LRGUK: variants seen among roughly 807,000 people sequenced by gnomAD.
The protein encoded by LRGUK is leucine-rich repeat and guanylate kinase domain-containing protein.
Under a neutral mutation model 76.0 loss-of-function variants are expected in LRGUK, and 65 were observed. That is an observed-to-expected ratio of 0.85 (90% CI 0.70 to 1.05). The LOEUF is 1.05. LRGUK is among the 50% of genes least tolerant of loss of function. The probability of loss-of-function intolerance (pLI) is 0.00; values close to 1 mark genes in which losing one functional copy is unlikely to be tolerated. For synonymous variants in LRGUK, 268 were observed against 265.6 expected, an observed-to-expected ratio of 1.01 and a Z score of -0.09; for missense variants, 758 against 732.8, an observed-to-expected ratio of 1.03 and a Z score of -0.40.
intron 4 of LRGUK, among the ~76,000 whole-genome samples, chr7:134,144,071 G>A (rs1797874846): frequency 6.6e-6 from 1 of 152,242 alleles, no homozygotes; most frequent in South Asian, 2.1e-4. Context: ...CCAAGGTAAG[G>A]TGTGGGCTTT....
chr7:134,209,929 G>A, exon 16 of LRGUK: 2 of 399,122 alleles, frequency 5.0e-6, no homozygotes, highest in Non-Finnish European at 8.8e-6. Context: ...CTCTTCCGGA[G>A]CCAGGGCTGC....
At chr7:134,221,835 A>C in exon 16 of LRGUK, 10 of 1,604,290 alleles carry the variant, frequency 6.2e-6, no homozygotes, top group Non-Finnish European at 8.5e-6. Context: ...TATTTCTTCG[A>C]ATATGGGTGA....
chr7:134,263,403 C>CTGTGTGTGTGTGTGTGTGTGTGTGTGTG (rs6150361), intron 19 of LRGUK, among the ~76,000 whole-genome samples: 12 of 142,274 alleles, frequency 8.4e-5, no homozygotes, highest in South Asian at 4.4e-4. Context: ...CTTCACTTCA[C>CTGTGTGTGTGTGTGTGTGTGTGTGTGTG]TGTGTGTGTG....
At chr7:134,196,851 A>G (rs1002309657) in intron 12 of LRGUK, 141 bp from the exon 13 acceptor site, 1 of 490,514 alleles carries the variant, frequency 2.0e-6, no homozygotes, top group Non-Finnish European at 3.6e-6. Flanking sequence ...AGTTTCATTT[A>G]CCCCATTGTC....
intron 2 of LRGUK, among the ~76,000 whole-genome samples, chr7:134,137,902 CG>C (rs901670205): frequency 6.6e-6 from 1 of 151,446 alleles, no homozygotes; most frequent in African/African-American, 2.4e-5. Context: ...CATGATTTGG[CG>C]AAAGGGTATG....
chr7:134,191,607 T>C, intron 11 of LRGUK, 48 bp from the exon 12 acceptor site: 2 of 1,237,044 alleles, frequency 1.6e-6, no homozygotes, highest in South Asian at 2.6e-5. Flanking sequence ...TTTTCCATTT[T>C]GAATTTCAAG....
intron 15 of LRGUK, among the ~76,000 whole-genome samples, chr7:134,202,322 A>G (rs1250819691): frequency 6.6e-6 from 1 of 152,086 alleles, no homozygotes; most frequent in Non-Finnish European, 1.5e-5. Context: ...CAAAATTAAA[A>G]AAAAAAACAG....
At chr7:134,249,568 C>T (rs1237137389) in intron 18 of LRGUK, among the ~76,000 whole-genome samples, 1 of 152,122 alleles carries the variant, frequency 6.6e-6, no homozygotes, top group Non-Finnish European at 1.5e-5. Context: ...TAATATTCAC[C>T]TTGGCCAAAG....
At chr7:134,233,075 G>T (rs1314309807) in intron 16 of LRGUK, among the ~76,000 whole-genome samples, 1 of 152,140 alleles carries the variant, frequency 6.6e-6, no homozygotes, top group African/African-American at 2.4e-5. Context: ...ATCAGTGAGA[G>T]GTTTTTATTT....
exon 20 of LRGUK, chr7:134,264,041 A>G (rs1437673272): frequency 2.7e-6 from 4 of 1,504,366 alleles, no homozygotes; most frequent in Non-Finnish European, 3.6e-6. Flanking sequence ...TCCTTGCCTT[A>G]CCTGGCCATG....
At chr7:134,168,810 T>G (rs527453113) in intron 7 of LRGUK, among the ~76,000 whole-genome samples, 42 of 152,124 alleles carry the variant, frequency 2.8e-4, no homozygotes, top group Non-Finnish European at 5.1e-4. Flanking sequence ...CCCTGGTTCA[T>G]GGTTCTTTAT....
intron 15 of LRGUK, among the ~76,000 whole-genome samples, chr7:134,220,753 A>G (rs1801570224): frequency 6.6e-6 from 1 of 151,804 alleles, no homozygotes; most frequent in Admixed American, 6.6e-5. Flanking sequence ...ATTTTTTTGT[A>G]GAGATGAGGT....
At chr7:134,185,359 G>A (rs561087181) in intron 11 of LRGUK, among the ~76,000 whole-genome samples, 1 of 151,944 alleles carries the variant, frequency 6.6e-6, no homozygotes, top group South Asian at 2.1e-4. Flanking sequence ...CCAGGAGTTC[G>A]AGACCAGCCC....
At chr7:134,227,114 G>A (rs1175342941) in intron 16 of LRGUK, among the ~76,000 whole-genome samples, 1 of 152,158 alleles carries the variant, frequency 6.6e-6, no homozygotes, top group Admixed American at 6.5e-5. Flanking sequence ...CCAGGCATTA[G>A]GGGAGGATGA....
chr7:134,188,979 C>T (rs1270448819), intron 11 of LRGUK, among the ~76,000 whole-genome samples: 1 of 152,168 alleles, frequency 6.6e-6, no homozygotes, highest in African/African-American at 2.4e-5. Flanking sequence ...GTTACATTTC[C>T]CTGGATATTT....
intron 15 of LRGUK, chr7:134,208,557 G>A (rs111730915): frequency 4.5e-4 from 177 of 395,254 alleles, no homozygotes; most frequent in African/African-American, 3.3e-3. Flanking sequence ...TATCTCCAAG[G>A]AGAAGGGAAG....
At chr7:134,185,671 G>A (rs997494213) in intron 11 of LRGUK, among the ~76,000 whole-genome samples, 1 of 152,090 alleles carries the variant, frequency 6.6e-6, no homozygotes, top group African/African-American at 2.4e-5. Context: ...TCAGTGAGCT[G>A]AGGATGTGGC....
intron 5 of LRGUK, among the ~76,000 whole-genome samples, chr7:134,151,770 A>G (rs1022285722): frequency 6.6e-6 from 1 of 152,108 alleles, no homozygotes; most frequent in Non-Finnish European, 1.5e-5. Context: ...TTAATAGATT[A>G]AAGGGAGTAA....
chr7:134,226,218 A>ATATG (rs1554474111), intron 16 of LRGUK, among the ~76,000 whole-genome samples: 17 of 141,714 alleles, frequency 1.2e-4, no homozygotes, highest in African/African-American at 4.5e-4. Context: ...CCCATCTCCA[A>ATATG]TGTGTGTGTG....
Sources: allele counts gnomAD v4.1 joint callset (sites outside exome capture counted in the v4.1 genomes callset), GRCh38; gene constraint gnomAD v4.1.1; transcripts MANE v1.5; gene names NCBI Gene and HGNC (gene_info 2026-07-23, HGNC 2026-07-21).